ADARB2: variants seen among roughly 807,000 people sequenced by gnomAD.
ADARB2 encodes adenosine deaminase RNA specific B2 (inactive), also known as inactive double-stranded RNA-specific editase B2.
A neutral mutation model predicts 62.2 loss-of-function variants in ADARB2; 25 were observed. The ratio of observed to expected loss-of-function variants is 0.40; its 90% CI spans 0.29 to 0.56. The LOEUF is 0.56. ADARB2 is among the 20% of genes least tolerant of loss of function. The probability of loss-of-function intolerance (pLI) is 0.43; values close to 1 mark genes in which losing one functional copy is unlikely to be tolerated. For missense variants in ADARB2, 1,071 were observed against 1,077.4 expected (o/e 0.99, Z 0.08); for synonymous variants, 572 against 500.8 (o/e 1.14, Z -1.90).
In ADARB2 at chr10:1,326,097, G is replaced by C. The variant is rs867901260; in HGVS notation, c.1077+36931C>G. Among the ~76,000 whole-genome samples the C allele has an allele frequency of 3.3e-5, 5 of 152,330 alleles. 1 individual carries two copies. Among genetic ancestry groups the C allele is most frequent in the Middle Eastern group, 6.8e-3 (2 of 294 alleles). On this transcript the variant is annotated intron_variant, in intron 3 of 9. Transcript: ENST00000381312. ...ATACTCTTATCTTGGAAAACTGAAT[G>C]CAAGTGAATTTGACCATTCCCCCCA... is the stretch of plus-strand genomic sequence containing the variant.
Position 1,379,109 on chromosome 10 carries a change from G to A in ADARB2, c.152C>T (p.Pro51Leu), listed in dbSNP as rs527533816. 2 of 1,613,856 alleles carry A rather than the reference G, an allele frequency of 1.2e-6. No individual in the cohort carries two copies. The highest frequency in any genetic ancestry group is 1.3e-5 in the African/African-American group (1 of 74,912). ...GTCATCCTCCGTGTTTGTGATGCCA[G>A]GACTCAGGTGCTTGAAAGGAGCGAG... ...TFLAPFKHLS[P>L]GITNTEDDDT... Residue 51 changes from proline to leucine, a missense_variant, in exon 2 of 10, where the codon CCT becomes CTT. Transcript: ENST00000381312.
intron 3 of ADARB2, among the ~76,000 whole-genome samples, chr10:1,345,808 A>T (rs1012939679): frequency 6.6e-6 from 1 of 152,226 alleles, no homozygotes; most frequent in Non-Finnish European, 1.5e-5. Flanking sequence ...ACAACTTTGC[A>T]TGGATGCTGC....
intron 3 of ADARB2, among the ~76,000 whole-genome samples, chr10:1,273,726 C>T (rs187456875): frequency 8.7e-4 from 132 of 152,344 alleles, no homozygotes; most frequent in Middle Eastern, 3.4e-3. Context: ...CTCGAGAAGT[C>T]AGCTTCTCAG....
chr10:1,305,379 G>A (rs549298452), intron 3 of ADARB2, among the ~76,000 whole-genome samples: 2 of 151,902 alleles, frequency 1.3e-5, no homozygotes, highest in South Asian at 4.2e-4. Context: ...GAATAGACCA[G>A]TAACAGGATC....
At chr10:1,493,726 A>ATT (rs1831650471) in intron 1 of ADARB2, among the ~76,000 whole-genome samples, 1 of 84,080 alleles carries the variant, frequency 1.2e-5, no homozygotes, top group African/African-American at 4.8e-5. Flanking sequence ...ATAATATGGC[A>ATT]TTCTTTTTTT....
intron 1 of ADARB2, among the ~76,000 whole-genome samples, chr10:1,423,692 C>T (rs1832870110): frequency 6.6e-6 from 1 of 151,856 alleles, no homozygotes; most frequent in African/African-American, 2.4e-5. Context: ...AGTAAGACCA[C>T]TGTGTATGCA....
intron 1 of ADARB2, among the ~76,000 whole-genome samples, chr10:1,464,827 C>A (rs531497107): frequency 6.6e-6 from 1 of 152,062 alleles, no homozygotes; most frequent in Non-Finnish European, 1.5e-5. Context: ...GGGGCAGTCA[C>A]AGCGGGCAGT....
At position 1,185,038 on chromosome 10, in the gene ADARB2, G is replaced by A. The variant is rs758463503; in HGVS notation, c.1866C>T (p.Gly622=). 27 of 1,609,912 alleles carry A rather than the reference G, an allele frequency of 1.7e-5. No homozygotes were observed. Among genetic ancestry groups the A allele is most frequent in the East Asian group, 4.5e-5 (2 of 44,828 alleles). The part of the protein sequence containing the change: ...SYRHNRPLLS[G]VSDAEARQPG... The stretch of plus-strand genomic sequence containing the variant: ...GCTGGCGCGCCTCGGCGTCACTCAC[G>A]CCTGTCGGGGAGATGGGGAAAGGCG... The change falls in exon 9 of 10, where the codon GGC becomes GGT. Residue 622 remains glycine (G), a splice_region_variant and synonymous_variant. Coordinates refer to ENST00000381312, the MANE Select transcript of ADARB2 (RefSeq NM_018702.4).
chr10:1,346,768 G>T (rs763319171), intron 3 of ADARB2, among the ~76,000 whole-genome samples: 1 of 152,242 alleles, frequency 6.6e-6, no homozygotes, highest in Non-Finnish European at 1.5e-5. Flanking sequence ...GCGAGGGCAC[G>T]TGGGTCCTTG....
At position 1,307,858 on chromosome 10, in the gene ADARB2, C is replaced by T. The variant is rs1478533995; in HGVS notation, c.1078-36789G>A. On this transcript the variant is annotated intron_variant, in intron 3 of 9. Coordinates refer to ENST00000381312, the MANE Select transcript of ADARB2 (RefSeq NM_018702.4). ...AAAAACCAAACACCGCATATTCTCA[C>T]TCATAGGTGGGAATTGAACAATGAG... 2.3e-5 allele frequency among the ~76,000 whole-genome samples: 3 copies of T among 128,804 alleles called. No individual in the cohort carries two copies. In the Admixed American group the frequency reaches 2.6e-4, roughly 11 times the overall value. 84.5% of individuals were successfully genotyped at this position (128,804 alleles called of 152,430 possible).
chr10:1,344,260 T>G (rs1832058172), intron 3 of ADARB2, among the ~76,000 whole-genome samples: 1 of 152,184 alleles, frequency 6.6e-6, no homozygotes, highest in African/African-American at 2.4e-5. Context: ...GGGAAATAGG[T>G]TCCTTTGTTC....
chr10:1,226,171 C>T (rs1415685833), intron 6 of ADARB2, among the ~76,000 whole-genome samples: 1 of 152,208 alleles, frequency 6.6e-6, no homozygotes, highest in Non-Finnish European at 1.5e-5. Context: ...GATCTTCCAT[C>T]ACTGATACCC....
intron 4 of ADARB2, among the ~76,000 whole-genome samples, chr10:1,258,663 A>G (rs887847143): frequency 1.3e-5 from 2 of 152,344 alleles, no homozygotes; most frequent in East Asian, 1.9e-4. Flanking sequence ...ATCCTTAGTG[A>G]CCTACAAAGA....
chr10:1,474,611 C>G (rs981455560), intron 1 of ADARB2, among the ~76,000 whole-genome samples: 1 of 152,198 alleles, frequency 6.6e-6, no homozygotes, highest in Non-Finnish European at 1.5e-5. Context: ...TCCCAAGCAC[C>G]TGGGAGAGGC....
intron 3 of ADARB2, among the ~76,000 whole-genome samples, chr10:1,354,682 C>T (rs896323150): frequency 1.2e-4 from 18 of 152,252 alleles, no homozygotes; most frequent in African/African-American, 4.3e-4. Context: ...GGTGGCACCC[C>T]ATGTGCTCTC....
At chr10:1,677,540 G>A (rs1371067807) in intron 1 of ADARB2, among the ~76,000 whole-genome samples, 1 of 152,144 alleles carries the variant, frequency 6.6e-6, no homozygotes, top group African/African-American at 2.4e-5. Flanking sequence ...CTAGGAAGAA[G>A]GCAGGAGTGT....
intron 1 of ADARB2, among the ~76,000 whole-genome samples, chr10:1,617,208 C>T (rs1286677546): frequency 1.3e-5 from 2 of 150,178 alleles, no homozygotes; most frequent in South Asian, 2.1e-4. Flanking sequence ...GTGTGCCCGT[C>T]CAGACACACT....
chr10:1,609,911 G>A (rs1190587316), intron 1 of ADARB2, among the ~76,000 whole-genome samples: 2 of 152,222 alleles, frequency 1.3e-5, no homozygotes, highest in African/African-American at 4.8e-5. Context: ...GACAGTCCCC[G>A]TCTGCCCTCT....
chr10:1,292,498 C>G (rs561019967), intron 3 of ADARB2: 1 of 152,136 alleles, frequency 6.6e-6, no homozygotes, highest in Non-Finnish European at 1.5e-5. Flanking sequence ...TATATCTTTT[C>G]CGATAAAATT....
Sources: gnomAD v4.1 joint callset for allele counts (sites outside exome capture counted in the v4.1 genomes callset) on GRCh38, gnomAD v4.1.1 for gene constraint, MANE v1.5 for transcripts, NCBI Gene and HGNC (gene_info 2026-07-23, HGNC 2026-07-21) for gene names.